Variants in ERG observed in about 807,000 individuals in gnomAD.
ERG encodes transcriptional regulator ERG.
A neutral mutation model predicts 55.3 loss-of-function variants in ERG; 9 were observed. That is an observed-to-expected ratio of 0.16 (90% CI 0.10 to 0.28). The LOEUF (loss-of-function observed/expected upper bound fraction) is 0.28. ERG is among the 10% of genes least tolerant of loss of function. The pLI is 1.00. For synonymous variants in ERG, 223 were observed against 237.3 expected, an observed-to-expected ratio of 0.94 and a Z score of 0.55; for missense variants, 434 against 631.6, an observed-to-expected ratio of 0.69 and a Z score of 3.35.
intron 2 of ERG, among the ~76,000 whole-genome samples, chr21:38,533,892 T>C (rs962990107): frequency 2.6e-5 from 4 of 152,162 alleles, no homozygotes; most frequent in Non-Finnish European, 4.4e-5. Context: ...AGAAAATATA[T>C]AGTTTCCTTC....
chr21:38,439,672 C>A (rs556010266), intron 2 of ERG, among the ~76,000 whole-genome samples: 1 of 152,336 alleles, frequency 6.6e-6, no homozygotes, highest in African/African-American at 2.4e-5. Context: ...AGTGGCCAAG[C>A]CAAACCCACA....
At chr21:38,577,394 G>A (rs550198208) in intron 1 of ERG, among the ~76,000 whole-genome samples, 2 of 152,146 alleles carry the variant, frequency 1.3e-5, no homozygotes, top group Non-Finnish European at 2.9e-5. Flanking sequence ...GGAACCTTAG[G>A]CATTTTTTTT....
At chr21:38,623,082 CCA>C (rs2146945940) in intron 1 of ERG, among the ~76,000 whole-genome samples, 1 of 149,018 alleles carries the variant, frequency 6.7e-6, no homozygotes, top group African/African-American at 2.5e-5. Flanking sequence ...CACATACACA[CCA>C]CACACATTAT....
At chr21:38,391,182 C>T (rs1451626797) in intron 8 of ERG, 140 bp from the exon 9 acceptor site, 4 of 709,366 alleles carry the variant, frequency 5.6e-6, no homozygotes, top group Non-Finnish European at 1.0e-5. Flanking sequence ...CAACTGCCTC[C>T]ACCTCCTCTA....
rs906949619 is a variant in ERG, at chr21:38,382,240, A to G, written c.*1163T>C. The G allele has an allele frequency of 2.2e-5, 23 of 1,049,438 alleles. No homozygotes were observed. The highest frequency in any genetic ancestry group is 4.3e-4 in the Middle Eastern group (1 of 2,308). The allele number at this position is 1,049,438 out of a possible 1,614,324, so 65.0% of individuals were successfully genotyped here. On this transcript the variant is annotated 3_prime_UTR_variant, in exon 10 of 10. Transcript: ENST00000288319. ...ATATAATTATTATATAAAAAGGGGGAAAAACATTGACTTGTATACTTCATT... is the reference window on the plus strand; with the variant it reads ...ATATAATTATTATATAAAAAGGGGGGAAAACATTGACTTGTATACTTCATT...
At chr21:38,626,358 T>G (rs1239505959) in intron 1 of ERG, among the ~76,000 whole-genome samples, 1 of 152,218 alleles carries the variant, frequency 6.6e-6, no homozygotes, top group East Asian at 1.9e-4. Flanking sequence ...TTGCAAAATG[T>G]TGACTGACCA....
chr21:38,590,627 T>C (rs2060094650), intron 1 of ERG, among the ~76,000 whole-genome samples: 1 of 152,100 alleles, frequency 6.6e-6, no homozygotes, highest in East Asian at 1.9e-4. Flanking sequence ...CATTCATCTA[T>C]CCATCCATGT....
intron 1 of ERG, among the ~76,000 whole-genome samples, chr21:38,467,011 CAG>C (rs2059097156): frequency 6.6e-6 from 1 of 152,144 alleles, no homozygotes; most frequent in Admixed American, 6.6e-5. Flanking sequence ...CTTAAAGTCA[CAG>C]AGGTAGTTAA....
In ERG at chr21:38,380,900, T is replaced by C. The variant is rs1987402305; in HGVS notation, c.*2503A>G. 2 of 1,065,202 alleles carry C rather than the reference T, an allele frequency of 1.9e-6. No homozygotes were observed. Among genetic ancestry groups the C allele is most frequent in the Non-Finnish European group, 2.3e-6 (2 of 879,302 alleles). The allele number at this position is 1,065,202 out of a possible 1,614,324, so 66.0% of individuals were successfully genotyped here. A position where few individuals can be genotyped will look rare whatever the true frequency, so the allele number is the denominator to read the frequency against. On this transcript the variant is annotated 3_prime_UTR_variant, in exon 10 of 10. Coordinates refer to ENST00000288319, the MANE Select transcript of ERG (RefSeq NM_182918.4). ...AGTAAATGTGTATTTCTATGAAGAA[T>C]GTAGGTGTGTCTTGACTTTGCATTC...
intron 2 of ERG, among the ~76,000 whole-genome samples, chr21:38,508,261 T>A (rs969986547): frequency 2.6e-5 from 4 of 152,066 alleles, no homozygotes; most frequent in Non-Finnish European, 2.9e-5. Context: ...GTGGCTTTTT[T>A]AAGCTGTCTT....
At chr21:38,440,652 C>A (rs1475280339) in intron 2 of ERG, among the ~76,000 whole-genome samples, 1 of 151,942 alleles carries the variant, frequency 6.6e-6, no homozygotes, top group African/African-American at 2.4e-5. Context: ...GAAGCCCCAT[C>A]TCCGCTAAAA....
chr21:38,610,783 A>G (rs1300576461), intron 1 of ERG, among the ~76,000 whole-genome samples: 1 of 152,140 alleles, frequency 6.6e-6, no homozygotes, highest in East Asian at 1.9e-4. Context: ...TGCAACACCA[A>G]CCCACGCTGT....
chr21:38,433,523 C>A (rs1990315883), intron 2 of ERG, among the ~76,000 whole-genome samples: 1 of 152,126 alleles, frequency 6.6e-6, no homozygotes, highest in Non-Finnish European at 1.5e-5. Context: ...ACAAAATAAA[C>A]TTGGCATCTG....
intron 2 of ERG, among the ~76,000 whole-genome samples, chr21:38,528,458 T>G: frequency 3.4e-5 from 1 of 29,002 alleles, no homozygotes; most frequent in African/African-American, 1.0e-4. Context: ...TTTTTTTTTT[T>G]TTTTTTTGAG....
At chr21:38,596,397 G>A (rs2060131831) in intron 1 of ERG, among the ~76,000 whole-genome samples, 1 of 152,218 alleles carries the variant, frequency 6.6e-6, no homozygotes, top group South Asian at 2.1e-4. Context: ...TCTGCTAAGT[G>A]TAGAGAAAGG....
At chr21:38,631,789 C>T (rs2146957968) in intron 1 of ERG, among the ~76,000 whole-genome samples, 1 of 152,120 alleles carries the variant, frequency 6.6e-6, no homozygotes, top group South Asian at 2.1e-4. Context: ...CTCCTGGCAT[C>T]TCCTCTCTCC....
rs893873773 is a variant in ERG at position 38,644,521 on chromosome 21, G to A, written c.-150+17137C>T. Among the ~76,000 whole-genome samples, 5 of 152,198 alleles carry A rather than the reference G, an allele frequency of 3.3e-5. No homozygotes were observed. The South Asian group carries it at 6.2e-4, about 19-fold the overall frequency. The stretch of plus-strand genomic sequence containing the variant: ...AGAAACACCTTATAAGGAGATCAAC[G>A]TATAACACAGTCTTTTTCTACCTAG... On this transcript the variant is annotated intron_variant, in intron 1 of 10. Transcript: ENST00000398910.
At chr21:38,650,729 T>C (rs1369892294) in intron 1 of ERG, among the ~76,000 whole-genome samples, 1 of 152,192 alleles carries the variant, frequency 6.6e-6, no homozygotes, top group Non-Finnish European at 1.5e-5. Flanking sequence ...TATAGCACAC[T>C]GATAATAACA....
rs1304683395 is a variant in ERG, at chr21:38,381,539, C to T, written c.*1864G>A. On this transcript the variant is annotated 3_prime_UTR_variant, in exon 10 of 10. Coordinates refer to ENST00000288319, the MANE Select transcript of ERG (RefSeq NM_182918.4). The stretch of plus-strand genomic sequence containing the variant: ...GTGAGAGCTCCTGAAAGAGAAACCC[C>T]GCAGCAAATCTAGACGTTATCCCTT... 4.7e-6 allele frequency: 5 copies of T among 1,063,744 alleles called. No individual in the cohort carries two copies. Among genetic ancestry groups the T allele is most frequent in the Admixed American group, 1.1e-4 (2 of 18,646 alleles). 65.9% of individuals were successfully genotyped at this position (1,063,744 alleles called of 1,614,324 possible). A position where few individuals can be genotyped will look rare whatever the true frequency, so the allele number is the denominator to read the frequency against.
Sources: allele counts gnomAD v4.1 joint callset (sites outside exome capture counted in the v4.1 genomes callset), GRCh38; gene constraint gnomAD v4.1.1; transcripts MANE v1.5; gene names NCBI Gene and HGNC (gene_info 2026-07-23, HGNC 2026-07-21).